Variants in TBC1D19 observed in about 807,000 individuals in gnomAD.
TBC1D19 encodes the protein TBC1 domain family, member 19.
In TBC1D19, 60 loss-of-function variants were observed where a neutral mutation model predicts 89.0. The ratio of observed to expected loss-of-function variants is 0.67; its 90% CI spans 0.55 to 0.84. The LOEUF (loss-of-function observed/expected upper bound fraction) is 0.84, where lower values mean the gene tolerates loss of function less well. Among genes scored for constraint, TBC1D19 ranks in the 40% least tolerant of loss-of-function variants. The pLI is 0.00. For synonymous variants in TBC1D19, 189 were observed against 199.7 expected (o/e 0.95, Z 0.45); for missense variants, 500 against 610.8 (o/e 0.82, Z 1.91).
chr4:26,780,835 C>G, the TBC1D19 span, among the ~76,000 whole-genome samples: 1 of 152,186 alleles, frequency 6.6e-6, no homozygotes, highest in Non-Finnish European at 1.5e-5. Flanking sequence ...GGGTAGCTGA[C>G]TAGCCAATTG....
the TBC1D19 span, among the ~76,000 whole-genome samples, chr4:26,762,140 T>C: frequency 6.6e-6 from 1 of 151,818 alleles, no homozygotes; most frequent in Non-Finnish European, 1.5e-5. Context: ...TGTCTCAAAA[T>C]AAATAAATAA....
At chr4:26,824,082 T>C in the TBC1D19 span, among the ~76,000 whole-genome samples, 1 of 152,230 alleles carries the variant, frequency 6.6e-6, no homozygotes, top group African/African-American at 2.4e-5. Context: ...GATCCAGGAA[T>C]TTATTTTAAC....
At chr4:26,609,542 A>C (rs925862618) in intron 1 of TBC1D19, among the ~76,000 whole-genome samples, 3 of 152,130 alleles carry the variant, frequency 2.0e-5, no homozygotes, top group Non-Finnish European at 4.4e-5. Flanking sequence ...AAGGACTGAC[A>C]GTTGGGAAAT....
intron 3 of TBC1D19, among the ~76,000 whole-genome samples, chr4:26,616,011 G>A (rs571532354): frequency 6.6e-6 from 1 of 151,996 alleles, no homozygotes; most frequent in Non-Finnish European, 1.5e-5. Context: ...TTGGCATTCT[G>A]TACAATAGAA....
At chr4:26,729,989 A>G (rs887768858) in intron 15 of TBC1D19, among the ~76,000 whole-genome samples, 7 of 152,208 alleles carry the variant, frequency 4.6e-5, no homozygotes, top group African/African-American at 1.7e-4. Context: ...TCTCATTAAT[A>G]TTTTTGAAAG....
At chr4:26,695,618 G>C (rs1015298358) in intron 13 of TBC1D19, among the ~76,000 whole-genome samples, 1 of 152,152 alleles carries the variant, frequency 6.6e-6, no homozygotes, top group Non-Finnish European at 1.5e-5. Context: ...GAAAGGTTGG[G>C]TTACCCACAA....
chr4:26,811,210 A>G, the TBC1D19 span, among the ~76,000 whole-genome samples: 1 of 152,382 alleles, frequency 6.6e-6, no homozygotes, highest in South Asian at 2.1e-4. Context: ...TTGCAGGGAC[A>G]TGGATGAAGC....
At chr4:26,661,143 CT>C (rs1228947443) in intron 8 of TBC1D19, among the ~76,000 whole-genome samples, 1 of 152,120 alleles carries the variant, frequency 6.6e-6, no homozygotes, top group East Asian at 1.9e-4. Context: ...ATGACTCCTC[CT>C]CCCCCACAGA....
At chr4:26,732,880 A>C (rs1717751018) in intron 15 of TBC1D19, among the ~76,000 whole-genome samples, 1 of 152,220 alleles carries the variant, frequency 6.6e-6, no homozygotes, top group Non-Finnish European at 1.5e-5. Flanking sequence ...TGAAATATGA[A>C]GAACAGCCAA....
intron 14 of TBC1D19, among the ~76,000 whole-genome samples, 186 bp downstream of exon 14, chr4:26,718,203 A>G (rs1177309965): frequency 6.6e-6 from 1 of 152,078 alleles, no homozygotes; most frequent in Admixed American, 6.6e-5. Context: ...AAATCACGGG[A>G]AAGTGGTTCC....
chr4:26,706,818 C>T lies in TBC1D19; in HGVS notation c.955-11115C>T, dbSNP rs542871420. 1.4e-3 allele frequency among the ~76,000 whole-genome samples: 209 copies of T among 151,814 alleles called. 1 individual carries two copies. Among genetic ancestry groups the T allele is most frequent in the South Asian group, 6.7e-3 (32 of 4,786 alleles). ...TGTTTAAGACTGTGTTGTTTAATTT[C>T]CATAGATTTGTAAATTTTCCAGTTT... On this transcript the variant is annotated intron_variant, in intron 13 of 20. Transcript: ENST00000264866.
chr4:26,627,059 T>A (rs1577829615), intron 4 of TBC1D19, among the ~76,000 whole-genome samples: 4 of 151,658 alleles, frequency 2.6e-5, no homozygotes. Flanking sequence ...CCCACAACAG[T>A]CCCCAGGGTG....
chr4:26,749,112 C>T (rs192284372), intron 19 of TBC1D19, among the ~76,000 whole-genome samples: 2 of 152,238 alleles, frequency 1.3e-5, no homozygotes, highest in African/African-American at 2.4e-5. Flanking sequence ...ACAAATTTAT[C>T]TTTTATTTAA....
At chr4:26,614,264 C>T (rs962041330) in intron 2 of TBC1D19, 144 bp from the exon 3 acceptor site, 15 of 549,440 alleles carry the variant, frequency 2.7e-5, no homozygotes, top group Middle Eastern at 4.8e-4. Context: ...TCTTTAATAA[C>T]GCTTTACATA....
chr4:26,797,774 A>G, the TBC1D19 span, among the ~76,000 whole-genome samples: 1 of 151,808 alleles, frequency 6.6e-6, no homozygotes, highest in African/African-American at 2.4e-5. Context: ...TAACAAAGTC[A>G]ACAAAAATAA....
the TBC1D19 span, among the ~76,000 whole-genome samples, chr4:26,829,235 G>A: frequency 3.0e-4 from 46 of 152,360 alleles, no homozygotes; most frequent in African/African-American, 1.0e-3. Context: ...TCGCAGTTCA[G>A]TTGTTTAAAT....
chr4:26,756,584 A>G (rs1719271103), downstream of TBC1D19, among the ~76,000 whole-genome samples: 1 of 152,200 alleles, frequency 6.6e-6, no homozygotes, highest in Non-Finnish European at 1.5e-5. Context: ...AACTTATTGT[A>G]TCTTCTCCAT....
chr4:26,826,419 C>T, the TBC1D19 span, among the ~76,000 whole-genome samples: 1 of 151,970 alleles, frequency 6.6e-6, no homozygotes, highest in Non-Finnish European at 1.5e-5. Flanking sequence ...TATTTGTGCC[C>T]TTACTGTCTG....
chr4:26,688,225 A>C, intron 12 of TBC1D19, 120 bp from the exon 13 acceptor site: 1 of 1,291,426 alleles, frequency 7.7e-7, no homozygotes, highest in Non-Finnish European at 9.9e-7. Context: ...TTAATTGAGA[A>C]GTTTATAATC....
Sources: allele counts gnomAD v4.1 joint callset (sites outside exome capture counted in the v4.1 genomes callset), GRCh38; gene constraint gnomAD v4.1.1; transcripts MANE v1.5; gene names NCBI Gene and HGNC (gene_info 2026-07-23, HGNC 2026-07-21).